KLHL36: variants seen among roughly 807,000 people sequenced by gnomAD.
The protein encoded by KLHL36 is kelch-like protein 36.
A neutral mutation model predicts 53.3 loss-of-function variants in KLHL36; 35 were observed. The observed-to-expected ratio is 0.66, with a 90% CI of 0.50 to 0.87. KLHL36 has a LOEUF of 0.87. KLHL36 is among the 40% of genes least tolerant of loss of function. KLHL36 has a pLI of 0.00. For synonymous variants in KLHL36, 472 were observed against 398.9 expected (o/e 1.18, Z -2.18); for missense variants, 864 against 897.6 (o/e 0.96, Z 0.48).
intron 2 of KLHL36, among the ~76,000 whole-genome samples, chr16:84,652,974 C>G (rs959335025): frequency 6.6e-6 from 1 of 151,738 alleles, no homozygotes; most frequent in Non-Finnish European, 1.5e-5. Flanking sequence ...TCCCAGCACC[C>G]TGGGAGGCCG....
chr16:84,657,612 G>A lies in KLHL36; in HGVS notation c.805G>A (p.Glu269Lys). Residue 269 changes from glutamate to lysine, a missense_variant, in exon 3 of 5, where the codon GAG becomes AAG. Transcript: ENST00000564996. ...KEANCEGFIEEAVRYHNNLAA... is the reference protein window; with the variant it reads ...KEANCEGFIEKAVRYHNNLAA... The stretch of plus-strand genomic sequence containing the variant: ...GGCCAACTGCGAGGGCTTCATCGAG[G>A]AGGCCGTGCGCTACCACAACAACCT... 1.2e-6 allele frequency: 2 copies of A among 1,611,398 alleles called. No individual in the cohort carries two copies. Among genetic ancestry groups the A allele is most frequent in the Non-Finnish European group, 1.7e-6 (2 of 1,179,768 alleles).
In KLHL36 at chr16:84,666,264, C is replaced by A. The variant is rs1021384474; in HGVS notation, c.*4131C>A. ...TTCCACCTCATCCCTTTCCTCCGGC[C>A]CCTTGATTTGTGCTGGACAACAAAT... On this transcript the variant is annotated 3_prime_UTR_variant, in exon 5 of 5. Coordinates refer to ENST00000564996, the MANE Select transcript of KLHL36 (RefSeq NM_024731.4). 1 of 152,144 alleles carries A rather than the reference C, an allele frequency of 6.6e-6. No homozygotes were observed. The highest frequency in any genetic ancestry group is 2.1e-4 in the South Asian group (1 of 4,830). The allele number at this position is 152,144 out of a possible 1,614,324, so 9.4% of individuals were successfully genotyped here.
Position 84,661,757 on chromosome 16 carries a change from G to A in KLHL36, c.1475G>A (p.Gly492Asp). 2 of 1,613,474 alleles carry A rather than the reference G, an allele frequency of 1.2e-6. No individual in the cohort carries two copies. The highest frequency in any genetic ancestry group is 1.7e-6 in the Non-Finnish European group (2 of 1,179,888). The change falls in exon 5 of 5, where the codon GGT becomes GAT. Residue 492 changes from glycine (G) to aspartate (D), a missense_variant. By Grantham distance (94) the Gly-to-Asp change is moderately conservative. Transcript: ENST00000564996. This position sits in a 1 kb window ranked among gnomAD's most constrained non-coding sequence, Gnocchi z 7.9. ...GGCTGGCACAGCATGTGCAGCCTGG[G>A]TGACAGCATCTACTCCATCGGGGGC... The part of the protein sequence containing the change: ...ARGWHSMCSL[G>D]DSIYSIGGSD...
At chr16:84,650,056 C>T (rs1359491850) in intron 1 of KLHL36, among the ~76,000 whole-genome samples, 1 of 148,446 alleles carries the variant, frequency 6.7e-6, no homozygotes, top group Non-Finnish European at 1.5e-5. Flanking sequence ...GAGTTAAGAG[C>T]ATGGGCGCTT....
intron 3 of KLHL36, chr16:84,659,502 G>T: frequency 2.3e-6 from 1 of 432,904 alleles, no homozygotes; most frequent in Non-Finnish European, 4.2e-6. Context: ...AGAAGTTCGG[G>T]GGTTCAGAGC....
At chr16:84,650,209 C>T (rs1436193246) in intron 1 of KLHL36, among the ~76,000 whole-genome samples, 1 of 152,182 alleles carries the variant, frequency 6.6e-6, no homozygotes, top group Non-Finnish European at 1.5e-5. Context: ...TGCAGAGAAG[C>T]ACTTGGGGAC....
In KLHL36 at chr16:84,661,595, C is replaced by T. The variant is rs1369241402; in HGVS notation, c.1313C>T (p.Ala438Val). Reference sequence around the variant, plus strand: ...CCCTGCAGGTTCACGTACGGCCACGCGGGCACCATCTACAAAGACTTCGTG... The same window carrying T: ...CCCTGCAGGTTCACGTACGGCCACGTGGGCACCATCTACAAAGACTTCGTG... ...AGLPRFTYGH[A>V]GTIYKDFVYI... is the part of the protein sequence containing the mutation. Residue 438 changes from alanine to valine, a missense_variant, in exon 5 of 5, where the codon GCG becomes GTG. Transcript: ENST00000564996. The surrounding 1 kb of genome is among the most constrained non-coding windows in gnomAD (Gnocchi z 7.9). 4 of 1,597,622 alleles carry T rather than the reference C, an allele frequency of 2.5e-6. No homozygotes were observed. The highest frequency in any genetic ancestry group is 1.7e-6 in the Non-Finnish European group (2 of 1,169,368).
rs763847175 is a variant in KLHL36 at position 84,657,038 on chromosome 16, C to A, written c.231C>A (p.Ile77=). 2.4e-5 allele frequency: 39 copies of A among 1,614,210 alleles called. No individual in the cohort carries two copies. Among genetic ancestry groups the A allele is most frequent in the Non-Finnish European group, 3.1e-5 (37 of 1,180,052 alleles). ...CSDYFNSMFT[I]GMREAFQKEV... ...ACTACTTCAACTCCATGTTCACCAT[C>A]GGCATGCGGGAAGCTTTCCAGAAGG... The change falls in exon 3 of 5, where the codon ATC becomes ATA. Residue 77 remains isoleucine, a synonymous_variant. Coordinates refer to ENST00000564996, the MANE Select transcript of KLHL36 (RefSeq NM_024731.4).
chr16:84,662,364 A>G lies in KLHL36; in HGVS notation c.*231A>G, dbSNP rs2150729932. On this transcript the variant is annotated 3_prime_UTR_variant, in exon 5 of 5. Transcript: ENST00000564996. Reference sequence around the variant, plus strand: ...GCCCAGGCAGTGAGCAACCCCTTGTATCTTCACAGGTCTTTGCCCCGTGTT... The same window carrying G: ...GCCCAGGCAGTGAGCAACCCCTTGTGTCTTCACAGGTCTTTGCCCCGTGTT... 2.1e-6 allele frequency: 1 copy of G among 465,752 alleles called. No individual in the cohort carries two copies. The highest frequency in any genetic ancestry group is 3.9e-6 in the Non-Finnish European group (1 of 258,940). The allele number at this position is 465,752 out of a possible 1,614,324, so 28.9% of individuals were successfully genotyped here.
rs922876534 is a variant in KLHL36 at position 84,663,048 on chromosome 16, T to C, written c.*915T>C. 2 of 152,106 alleles carry C rather than the reference T, an allele frequency of 1.3e-5. No homozygotes were observed. Among genetic ancestry groups the C allele is most frequent in the African/African-American group, 4.8e-5 (2 of 41,410 alleles). 9.4% of individuals were successfully genotyped at this position (152,106 alleles called of 1,614,324 possible). A position where few individuals can be genotyped will look rare whatever the true frequency, so the allele number is the denominator to read the frequency against. On this transcript the variant is annotated 3_prime_UTR_variant, in exon 5 of 5. Transcript: ENST00000564996. Reference sequence around the variant, plus strand: ...CTCAGGAAAGAAAAAGTGAGTGCTATGGAATTTGCCATCGTTCTCTGTGAC... The same window carrying C: ...CTCAGGAAAGAAAAAGTGAGTGCTACGGAATTTGCCATCGTTCTCTGTGAC...
Position 84,661,598 on chromosome 16 carries a change from G to A in KLHL36, c.1316G>A (p.Gly439Asp). 1.2e-6 allele frequency: 2 copies of A among 1,600,296 alleles called. No individual in the cohort carries two copies. The highest frequency in any genetic ancestry group is 1.7e-6 in the Non-Finnish European group (2 of 1,170,988). The change falls in exon 5 of 5, where the codon GGC (glycine) becomes GAC (aspartate). Residue 439 changes from glycine (G) to aspartate (D), a missense_variant. Coordinates refer to ENST00000564996, the MANE Select transcript of KLHL36 (RefSeq NM_024731.4). This position sits in a 1 kb window ranked among gnomAD's most constrained non-coding sequence, Gnocchi z 7.9. ...GLPRFTYGHA[G>D]TIYKDFVYIS... is the part of the protein sequence containing the mutation. Reference sequence around the variant, plus strand: ...TGCAGGTTCACGTACGGCCACGCGGGCACCATCTACAAAGACTTCGTGTAC... The same window carrying A: ...TGCAGGTTCACGTACGGCCACGCGGACACCATCTACAAAGACTTCGTGTAC...
In KLHL36 at chr16:84,657,225, G is replaced by C. The variant is rs766307594; in HGVS notation, c.418G>C (p.Glu140Gln). The change falls in exon 3 of 5, where the codon GAG (glutamate) becomes CAG (glutamine). Residue 140 changes from glutamate to glutamine, a missense_variant. Transcript: ENST00000564996. ...GGTAGACTTCTGCTGTGAGTACCTG[G>C]AGCAGGAGGTGAGCGAGGACAACTA... ...TVVDFCCEYL[E>Q]QEVSEDNYLY... is the part of the protein sequence containing the mutation. The C allele has an allele frequency of 6.2e-7, 1 of 1,614,188 alleles. No individual in the cohort carries two copies. The highest frequency in any genetic ancestry group is 8.5e-7 in the Non-Finnish European group (1 of 1,180,026).
In KLHL36 at chr16:84,667,202, C is replaced by G. The variant is rs1010253884; in HGVS notation, c.*5069C>G. Reference sequence around the variant, plus strand: ...TTTCCTTTGAGAAAGGACACTCCACCTTTTCAAAGGTACTTAAAGCCATCT... The same window carrying G: ...TTTCCTTTGAGAAAGGACACTCCACGTTTTCAAAGGTACTTAAAGCCATCT... On this transcript the variant is annotated 3_prime_UTR_variant, in exon 5 of 5. Transcript: ENST00000564996. 9 of 152,286 alleles carry G rather than the reference C, an allele frequency of 5.9e-5. No individual in the cohort carries two copies. The highest frequency in any genetic ancestry group is 4.6e-4 in the Admixed American group (7 of 15,304). The allele number at this position is 152,286 out of a possible 1,614,324, so 9.4% of individuals were successfully genotyped here.
At position 84,657,090 on chromosome 16, in the gene KLHL36, A is replaced by G. The variant is rs1415544612; in HGVS notation, c.283A>G (p.Ile95Val). 3.7e-6 allele frequency: 6 copies of G among 1,614,022 alleles called. No homozygotes were observed. The highest frequency in any genetic ancestry group is 5.1e-6 in the Non-Finnish European group (6 of 1,180,012). The change falls in exon 3 of 5, where the codon ATT becomes GTT. Residue 95 changes from isoleucine (I) to valine (V), a missense_variant. Coordinates refer to ENST00000564996, the MANE Select transcript of KLHL36 (RefSeq NM_024731.4). ...KEVELIGASYIGLKAVVDFLY... is the reference protein window; with the variant it reads ...KEVELIGASYVGLKAVVDFLY... Reference sequence around the variant, plus strand: ...GGTGGAGCTGATCGGCGCCTCCTACATTGGGCTCAAGGCCGTGGTGGACTT... The same window carrying G: ...GGTGGAGCTGATCGGCGCCTCCTACGTTGGGCTCAAGGCCGTGGTGGACTT...
chr16:84,655,129 C>T (rs1007240707), intron 2 of KLHL36, among the ~76,000 whole-genome samples: 3 of 152,162 alleles, frequency 2.0e-5, no homozygotes, highest in Non-Finnish European at 4.4e-5. Context: ...GAGAGCCCGT[C>T]CTCTGAACTC....
rs543210933 is a variant in KLHL36 at position 84,656,845 on chromosome 16, G to A, written c.64-26G>A. On this transcript the variant is annotated intron_variant, in intron 2 of 4. Transcript: ENST00000564996. Reference sequence around the variant, plus strand: ...CCAGGGCCGAGCAGGCTGCTGCGCCGTTTCTAATGTGTCTTCTCTGTCCAG... The same window carrying A: ...CCAGGGCCGAGCAGGCTGCTGCGCCATTTCTAATGTGTCTTCTCTGTCCAG... The A allele has an allele frequency of 6.7e-5, 105 of 1,571,214 alleles. 1 individual carries two copies. The East Asian group carries it at 1.3e-3, about 20-fold the overall frequency.
At chr16:84,652,840 T>TTGGTAG (rs1183904280) in intron 2 of KLHL36, among the ~76,000 whole-genome samples, 2 of 152,154 alleles carry the variant, frequency 1.3e-5, no homozygotes, top group Non-Finnish European at 2.9e-5. Flanking sequence ...CTGCATGTAG[T>TTGGTAG]TGGTAGTGGT....
intron 2 of KLHL36, among the ~76,000 whole-genome samples, chr16:84,653,334 T>A (rs990290395): frequency 3.9e-5 from 6 of 152,184 alleles, no homozygotes; most frequent in African/African-American, 1.4e-4. Context: ...TCCCTCTACT[T>A]GGCCTTGCAT....
At chr16:84,656,147 A>G (rs1907185977) in intron 2 of KLHL36, among the ~76,000 whole-genome samples, 1 of 152,160 alleles carries the variant, frequency 6.6e-6, no homozygotes, top group Admixed American at 6.5e-5. Flanking sequence ...CTCCCGTCTC[A>G]GTCTCACAAA....
Sources: gnomAD v4.1 joint callset for allele counts (sites outside exome capture counted in the v4.1 genomes callset) on GRCh38, gnomAD v4.1.1 for gene constraint, Gnocchi (gnomAD v3.1) non-coding constraint, MANE v1.5 for transcripts, NCBI Gene and HGNC (gene_info 2026-07-23, HGNC 2026-07-21) for gene names.